The following PLCL1 variants were observed in gnomAD, a reference collection of about 807,000 sequenced individuals.
PLCL1 encodes phospholipase C like 1 (inactive), also known as inactive phospholipase C-like protein 1.
A neutral mutation model predicts 84.4 loss-of-function variants in PLCL1; 41 were observed. That is an observed-to-expected ratio of 0.49 (90% confidence interval 0.38 to 0.63). The LOEUF (loss-of-function observed/expected upper bound fraction) is 0.63, where lower values mean the gene tolerates loss of function less well. Among genes scored for constraint, PLCL1 ranks in the 30% least tolerant of loss-of-function variants. The probability of loss-of-function intolerance (pLI) is 0.00; values close to 1 mark genes in which losing one functional copy is unlikely to be tolerated. For synonymous variants in PLCL1, 490 were observed against 488.3 expected, an observed-to-expected ratio of 1.00 and a Z score of -0.05; for missense variants, 1,206 against 1,367.8, an observed-to-expected ratio of 0.88 and a Z score of 1.87.
At chr2:197,910,397 A>T (rs550837926) in intron 1 of PLCL1, among the ~76,000 whole-genome samples, 68 of 152,318 alleles carry the variant, frequency 4.5e-4, no homozygotes, top group African/African-American at 1.6e-3. Context: ...ACACTCAACA[A>T]ATATTAGCTC....
At chr2:197,923,200 C>CG (rs1281326132) in intron 1 of PLCL1, among the ~76,000 whole-genome samples, 4,249 of 83,706 alleles carry the variant, frequency 0.051, no homozygotes, top group Middle Eastern at 0.11. Context: ...GCTGGCCGGG[C>CG]GGGGGGCTGA....
At chr2:198,130,066 C>T (rs1463057845) in intron 5 of PLCL1, among the ~76,000 whole-genome samples, 2 of 152,212 alleles carry the variant, frequency 1.3e-5, no homozygotes, top group East Asian at 1.9e-4. Flanking sequence ...ATGATCATGG[C>T]TCACTGCAGC....
At chr2:197,914,575 C>T (rs1043563807) in intron 1 of PLCL1, among the ~76,000 whole-genome samples, 7 of 152,022 alleles carry the variant, frequency 4.6e-5, no homozygotes, top group South Asian at 2.1e-4. Context: ...GTGATTTGCC[C>T]GCCTTGGCAT....
chr2:198,123,372 A>G lies in PLCL1; in HGVS notation c.3105+19436A>G, dbSNP rs184099064. On this transcript the variant is annotated intron_variant, in intron 5 of 5. Coordinates refer to ENST00000428675, the MANE Select transcript of PLCL1 (RefSeq NM_006226.4). ...TATGTTGAAATCCTAAACCCCCAGT[A>G]TCTCAGGATATGGCTGTATTTGGAG... is the stretch of plus-strand genomic sequence containing the variant. 3.4e-4 allele frequency among the ~76,000 whole-genome samples: 52 copies of G among 152,214 alleles called. 1 individual carries two copies. In the East Asian group the frequency reaches 6.8e-3, roughly 20 times the overall value.
At chr2:197,873,131 A>G (rs190421223) in intron 1 of PLCL1, among the ~76,000 whole-genome samples, 2 of 152,314 alleles carry the variant, frequency 1.3e-5, no homozygotes, top group East Asian at 3.9e-4. Flanking sequence ...GCTCATTTTT[A>G]TAATATAATT....
chr2:198,115,958 CATATA>C (rs1392989671), intron 5 of PLCL1, among the ~76,000 whole-genome samples: 1 of 146,660 alleles, frequency 6.8e-6, no homozygotes, highest in African/African-American at 2.5e-5. Flanking sequence ...AAAATATATA[CATATA>C]ATATATAAAA....
chr2:198,021,664 G>A (rs1283414741), intron 1 of PLCL1, among the ~76,000 whole-genome samples: 1 of 152,020 alleles, frequency 6.6e-6, no homozygotes, highest in Non-Finnish European at 1.5e-5. Context: ...TAAATTCCTG[G>A]ACACACACAC....
chr2:198,081,782 A>G lies in PLCL1; in HGVS notation c.241-1976A>G, dbSNP rs575645845. Reference sequence around the variant, plus strand: ...GGGTAGGGTTTTAGTCAATTGAATAATAAATTATCCTGTCTTTTCTGAATC... The same window carrying G: ...GGGTAGGGTTTTAGTCAATTGAATAGTAAATTATCCTGTCTTTTCTGAATC... On this transcript the variant is annotated intron_variant, in intron 1 of 5. Coordinates refer to ENST00000428675, the MANE Select transcript of PLCL1 (RefSeq NM_006226.4). 2.0e-5 allele frequency among the ~76,000 whole-genome samples: 3 copies of G among 152,258 alleles called. No homozygotes were observed. The South Asian group carries it at 6.2e-4, about 32-fold the overall frequency.
rs1270416179 is a variant in PLCL1 at position 198,148,034 on chromosome 2, T to C, written c.*1072T>C. 6.6e-6 allele frequency: 1 copy of C among 152,312 alleles called. No homozygotes were observed. Among genetic ancestry groups the C allele is most frequent in the Non-Finnish European group, 1.5e-5 (1 of 68,012 alleles). 9.4% of individuals were successfully genotyped at this position (152,312 alleles called of 1,614,324 possible). ...AACCAGTTACCACACATCTATGATA[T>C]AACCCTAACACACACAGAAAAGCAT... On this transcript the variant is annotated 3_prime_UTR_variant, in exon 6 of 6. Transcript: ENST00000428675.
At chr2:198,043,409 A>G (rs910099723) in intron 1 of PLCL1, among the ~76,000 whole-genome samples, 3 of 152,180 alleles carry the variant, frequency 2.0e-5, no homozygotes, top group Non-Finnish European at 1.5e-5. Flanking sequence ...TCTACTGGGT[A>G]GGTGAAGTCC....
intron 1 of PLCL1, among the ~76,000 whole-genome samples, chr2:198,068,974 G>T (rs1344605125): frequency 1.3e-5 from 2 of 152,192 alleles, no homozygotes; most frequent in East Asian, 3.9e-4. Context: ...GGCGGAGGTT[G>T]CAGTGAGCTG....
chr2:197,858,330 A>G lies in PLCL1; in HGVS notation c.240+52991A>G, dbSNP rs182600749. On this transcript the variant is annotated intron_variant, in intron 1 of 5. Coordinates refer to ENST00000428675, the MANE Select transcript of PLCL1 (RefSeq NM_006226.4). ...AAAGTAATGCTAACCGTTGAAGTAT[A>G]TTTCCTGTGAAGTTAATGAGGCTTA... Among the ~76,000 whole-genome samples, 23 of 152,176 alleles carry G rather than the reference A, an allele frequency of 1.5e-4. No individual in the cohort carries two copies. In the East Asian group the frequency reaches 4.4e-3, roughly 29 times the overall value.
chr2:197,879,071 G>C (rs1044546711), intron 1 of PLCL1, among the ~76,000 whole-genome samples: 2 of 152,212 alleles, frequency 1.3e-5, no homozygotes, highest in African/African-American at 4.8e-5. Context: ...TCCTTCTGCA[G>C]TTCCTTCCAT....
chr2:198,130,936 C>A (rs189087803), intron 5 of PLCL1, among the ~76,000 whole-genome samples: 18 of 152,224 alleles, frequency 1.2e-4, no homozygotes, highest in Admixed American at 1.2e-3. Flanking sequence ...TGGCCATTCT[C>A]CCTTCCTAAA....
In PLCL1 at chr2:198,088,885, T is replaced by A; in HGVS notation, c.2743T>A (p.Cys915Ser). ...TGCAATCGTGTCTATTAAGGAACTA[T>A]GTGGACTCCCTCCAATTGCCAGTCT... ...QNAIVSIKEL[C>S]GLPPIASLKQ... The change falls in exon 3 of 6, where the codon TGT becomes AGT. Residue 915 changes from cysteine to serine, a missense_variant. By Grantham distance (112) the Cys-to-Ser change is moderately radical (BLOSUM62 -1). Transcript: ENST00000428675. The A allele has an allele frequency of 1.9e-6, 3 of 1,611,964 alleles. No individual in the cohort carries two copies. The highest frequency in any genetic ancestry group is 2.5e-6 in the Non-Finnish European group (3 of 1,177,988).
chr2:197,956,248 C>A (rs1160279178), intron 1 of PLCL1, among the ~76,000 whole-genome samples: 1 of 152,198 alleles, frequency 6.6e-6, no homozygotes, highest in Admixed American at 6.5e-5. Context: ...GGTTACAAGT[C>A]TATGCTTTGT....
intron 1 of PLCL1, among the ~76,000 whole-genome samples, chr2:197,861,437 A>T (rs1687432560): frequency 6.6e-6 from 1 of 152,146 alleles, no homozygotes; most frequent in African/African-American, 2.4e-5. Context: ...ATCCTTTGTA[A>T]CATCGTTTTA....
In PLCL1 at chr2:198,142,719, CTTG is replaced by C. The variant is rs112690293; in HGVS notation, c.3106-4056_3106-4054del. ...CATTGCTCTTGGGACTTCTATTAGTCTTGTTGTCCCATCAGCATCAGTCTACCT... is the reference window on the plus strand; with the variant it reads ...CATTGCTCTTGGGACTTCTATTAGTCTTGTCCCATCAGCATCAGTCTACCT... On this transcript the variant is annotated intron_variant, in intron 5 of 5. Transcript: ENST00000428675. Among the ~76,000 whole-genome samples the C allele has an allele frequency of 4.9e-3, 743 of 152,118 alleles. 6 individuals carry two copies. Among genetic ancestry groups the C allele is most frequent in the African/African-American group, 0.016 (667 of 41,520 alleles).
chr2:198,087,893 T>A (rs1692923995), intron 2 of PLCL1, among the ~76,000 whole-genome samples: 1 of 152,200 alleles, frequency 6.6e-6, no homozygotes, highest in African/African-American at 2.4e-5. Flanking sequence ...TTATCATTCA[T>A]GTGCAGAACC....
Sources: gnomAD v4.1 joint callset for allele counts (sites outside exome capture counted in the v4.1 genomes callset) on GRCh38, gnomAD v4.1.1 for gene constraint, MANE v1.5 for transcripts, NCBI Gene and HGNC (gene_info 2026-07-23, HGNC 2026-07-21) for gene names.